The following MAF variants were observed in gnomAD, a reference collection of about 807,000 sequenced individuals.
MAF encodes MAF bZIP transcription factor.
A neutral mutation model predicts 22.0 loss-of-function variants in MAF; 10 were observed. The observed-to-expected ratio is 0.45, with a 90% CI of 0.28 to 0.77. MAF has a LOEUF of 0.77. Ranked by LOEUF, MAF falls within the 30% of genes least tolerant of loss-of-function variation. MAF has a pLI of 0.12. For missense variants in MAF, 544 were observed against 548.4 expected (o/e 0.99, Z 0.08); for synonymous variants, 337 against 255.8 (o/e 1.32, Z -3.03).
chr16:79,589,808 G>A (rs1264912247), downstream of MAF, among the ~76,000 whole-genome samples: 1 of 152,184 alleles, frequency 6.6e-6, no homozygotes, highest in Non-Finnish European at 1.5e-5. Flanking sequence ...GCGGGAGCTT[G>A]GGTGGGCGCG....
chr16:79,517,568 CTT>C, the MAF span, among the ~76,000 whole-genome samples: 3 of 99,784 alleles, frequency 3.0e-5, no homozygotes, highest in African/African-American at 3.8e-5. Context: ...ACTGTTTAGT[CTT>C]TTTTTTTTTT....
the MAF span, among the ~76,000 whole-genome samples, chr16:79,562,289 A>C: frequency 6.6e-6 from 1 of 152,204 alleles, no homozygotes; most frequent in Non-Finnish European, 1.5e-5. Context: ...AAGCAGTACA[A>C]AGACATGGAC....
chr16:79,486,020 T>C, the MAF span, among the ~76,000 whole-genome samples: 3 of 152,240 alleles, frequency 2.0e-5, no homozygotes, highest in African/African-American at 4.8e-5. Context: ...GGAGCACTTA[T>C]TGATTGCTTC....
chr16:79,375,972 A>G, the MAF span, among the ~76,000 whole-genome samples: 4 of 152,186 alleles, frequency 2.6e-5, no homozygotes, highest in Admixed American at 2.0e-4. Context: ...TTAACAATGA[A>G]TCCTTCACAA....
At chr16:79,424,541 T>C in the MAF span, among the ~76,000 whole-genome samples, 1 of 152,204 alleles carries the variant, frequency 6.6e-6, no homozygotes, top group African/African-American at 2.4e-5. Context: ...CCAGGCTGAA[T>C]TCTATTCATT....
the MAF span, among the ~76,000 whole-genome samples, chr16:79,569,921 T>G: frequency 6.6e-6 from 1 of 151,832 alleles, no homozygotes; most frequent in African/African-American, 2.4e-5. Context: ...TCAGCTGGAA[T>G]CCGGGAGGGA....
At chr16:79,228,287 C>T in the MAF span, among the ~76,000 whole-genome samples, 1 of 152,068 alleles carries the variant, frequency 6.6e-6, no homozygotes, top group Non-Finnish European at 1.5e-5. Flanking sequence ...ATGCCATCTA[C>T]AAGGAAAGCG....
At chr16:79,571,941 C>G in the MAF span, among the ~76,000 whole-genome samples, 2 of 152,180 alleles carry the variant, frequency 1.3e-5, no homozygotes, top group Non-Finnish European at 2.9e-5. Context: ...TCTTTGCCAG[C>G]CCCTGCCCCT....
At chr16:79,531,766 C>T in the MAF span, among the ~76,000 whole-genome samples, 3 of 152,158 alleles carry the variant, frequency 2.0e-5, no homozygotes, top group Non-Finnish European at 4.4e-5. Context: ...CCCACGCACT[C>T]ATCACTCTTT....
At chr16:79,506,346 T>C in the MAF span, among the ~76,000 whole-genome samples, 1 of 152,158 alleles carries the variant, frequency 6.6e-6, no homozygotes, top group African/African-American at 2.4e-5. Context: ...ATGATTTTTT[T>C]ATTTCCTGGG....
the MAF span, among the ~76,000 whole-genome samples, chr16:79,414,248 G>T: frequency 1.3e-5 from 2 of 152,196 alleles, no homozygotes; most frequent in Admixed American, 6.5e-5. Flanking sequence ...AAAGAAAAGA[G>T]ATTTATTTGG....
chr16:79,300,787 G>A, the MAF span, among the ~76,000 whole-genome samples: 1 of 151,442 alleles, frequency 6.6e-6, no homozygotes, highest in Non-Finnish European at 1.5e-5. Context: ...GCAGATAAGA[G>A]CAATGATTTG....
chr16:79,245,094 GA>G, the MAF span, among the ~76,000 whole-genome samples: 1 of 151,928 alleles, frequency 6.6e-6, no homozygotes, highest in Non-Finnish European at 1.5e-5. Context: ...TTAAATGTAA[GA>G]CCTAAAACCC....
downstream of MAF, among the ~76,000 whole-genome samples, chr16:79,591,193 C>A (rs1913171186): frequency 1.3e-5 from 2 of 152,140 alleles, no homozygotes; most frequent in Admixed American, 6.5e-5. Context: ...ACGGTCAAGG[C>A]TGGTAATCAG....
At chr16:79,564,935 G>A in the MAF span, among the ~76,000 whole-genome samples, 1 of 152,176 alleles carries the variant, frequency 6.6e-6, no homozygotes, top group Non-Finnish European at 1.5e-5. Flanking sequence ...CTGGTTTTGG[G>A]TGGGCTGGTG....
the MAF span, among the ~76,000 whole-genome samples, chr16:79,289,861 T>TA: frequency 5.2e-5 from 5 of 96,754 alleles, no homozygotes; most frequent in African/African-American, 1.9e-4. Flanking sequence ...TGTATTTTTT[T>TA]TTTTTTTGTG....
chr16:79,523,296 G>A, the MAF span, among the ~76,000 whole-genome samples: 1 of 152,094 alleles, frequency 6.6e-6, no homozygotes, highest in Non-Finnish European at 1.5e-5. Flanking sequence ...AATTCTCTAG[G>A]GTGAACAGAA....
chr16:79,427,196 G>A, the MAF span, among the ~76,000 whole-genome samples: 2 of 152,214 alleles, frequency 1.3e-5, no homozygotes, highest in Admixed American at 6.5e-5. Context: ...AAACATAAAT[G>A]TGAGGAGTAG....
the MAF span, among the ~76,000 whole-genome samples, chr16:79,407,558 G>C: frequency 1.3e-5 from 2 of 152,172 alleles, no homozygotes; most frequent in East Asian, 3.9e-4. Flanking sequence ...CTGAACTCAC[G>C]GTTTAATTAT....
Sources: allele counts gnomAD v4.1 joint callset (sites outside exome capture counted in the v4.1 genomes callset), GRCh38; gene constraint gnomAD v4.1.1; transcripts MANE v1.5; gene names NCBI Gene and HGNC (gene_info 2026-07-23, HGNC 2026-07-21).